TNFSF10: variants seen among roughly 807,000 people sequenced by gnomAD.
TNFSF10 encodes TNF superfamily member 10.
A neutral mutation model predicts 29.5 loss-of-function variants in TNFSF10; 13 were observed. The observed-to-expected ratio is 0.44, with a 90% CI of 0.29 to 0.70. TNFSF10 has a LOEUF of 0.70. TNFSF10 is among the 30% of genes least tolerant of loss of function. TNFSF10 has a pLI of 0.13. For missense variants in TNFSF10, 345 were observed against 330.9 expected (o/e 1.04, Z -0.33); for synonymous variants, 111 against 112.8 (o/e 0.98, Z 0.10).
chr3:172,520,792 A>G (rs1713657467), intron 1 of TNFSF10, among the ~76,000 whole-genome samples: 1 of 152,202 alleles, frequency 6.6e-6, no homozygotes, highest in Non-Finnish European at 1.5e-5. Flanking sequence ...CCAACCTGCA[A>G]CAACAAAGCA....
Position 172,523,283 on chromosome 3 carries a change from A to C in TNFSF10, c.102T>G (p.Thr34=), listed in dbSNP as rs755117122. 1 of 1,613,986 alleles carries C rather than the reference A, an allele frequency of 6.2e-7. No individual in the cohort carries two copies. The highest frequency in any genetic ancestry group is 1.3e-5 in the African/African-American group (1 of 75,052). The change falls in exon 1 of 5, where the codon ACT becomes ACG. Residue 34 remains threonine, a synonymous_variant. Coordinates refer to ENST00000241261, the MANE Select transcript of TNFSF10 (RefSeq NM_003810.4). Reference sequence around the variant, plus strand: ...TCAGCTCGTTGGTAAAGTACACGTAAGTTACAGCCACACAGAGAGACTGCA... The same window carrying C: ...TCAGCTCGTTGGTAAAGTACACGTACGTTACAGCCACACAGAGAGACTGCA... The part of the protein sequence containing the change: ...VLLQSLCVAV[T]YVYFTNELKQ...
At chr3:172,507,198 A>C in intron 4 of TNFSF10, 1 of 388,544 alleles carries the variant, frequency 2.6e-6, no homozygotes, top group Non-Finnish European at 4.6e-6. Flanking sequence ...CACACTTAGA[A>C]TGGTAGCACA....
chr3:172,518,487 A>C, intron 1 of TNFSF10: 1 of 1,279,586 alleles, frequency 7.8e-7, no homozygotes, highest in South Asian at 1.2e-5. Context: ...ATAAAGGATC[A>C]TTTATGGAGA....
intron 1 of TNFSF10, among the ~76,000 whole-genome samples, chr3:172,520,597 T>C (rs1451412594): frequency 6.6e-6 from 1 of 152,242 alleles, no homozygotes; most frequent in Non-Finnish European, 1.5e-5. Flanking sequence ...ATATTCGTGG[T>C]GCCTACCACA....
chr3:172,506,952 A>C (rs1713013681), intron 4 of TNFSF10, 33 bp from the exon 5 acceptor site: 1 of 1,503,636 alleles, frequency 6.7e-7, no homozygotes. Flanking sequence ...GAGCGTTAAC[A>C]GAAGGGAATT....
chr3:172,516,221 G>A (rs1713429173), intron 1 of TNFSF10, among the ~76,000 whole-genome samples: 1 of 148,188 alleles, frequency 6.7e-6, no homozygotes, highest in Non-Finnish European at 1.5e-5. Context: ...CTGAGATCGT[G>A]CCATTGCACT....
chr3:172,512,585 G>A (rs1713270293), intron 2 of TNFSF10, among the ~76,000 whole-genome samples: 1 of 152,160 alleles, frequency 6.6e-6, no homozygotes, highest in African/African-American at 2.4e-5. Flanking sequence ...TGGTGGCGGT[G>A]GACTGACTGT....
At chr3:172,507,688 G>A (rs1713041623) in intron 4 of TNFSF10, among the ~76,000 whole-genome samples, 1 of 152,122 alleles carries the variant, frequency 6.6e-6, no homozygotes, top group Admixed American at 6.6e-5. Flanking sequence ...CCCCTCACTT[G>A]TAGGCAGAAC....
intron 1 of TNFSF10, 41 bp downstream of exon 1, chr3:172,523,212 G>A: frequency 6.5e-7 from 1 of 1,540,692 alleles, no homozygotes; most frequent in Non-Finnish European, 8.9e-7. Flanking sequence ...CCAGACATTT[G>A]CTAAGCGCCT....
intron 4 of TNFSF10, among the ~76,000 whole-genome samples, chr3:172,508,897 A>AG (rs1491340255): frequency 6.6e-6 from 1 of 151,988 alleles, no homozygotes; most frequent in East Asian, 1.9e-4. Flanking sequence ...CTAAAAAAAA[A>AG]AAGGAAAGAA....
intron 1 of TNFSF10, chr3:172,517,646 CTG>C: frequency 1.0e-6 from 1 of 985,318 alleles, no homozygotes. Context: ...TGAGATCAGA[CTG>C]TGTGTGTGCA....
chr3:172,505,655 A>G lies in TNFSF10; in HGVS notation c.*837T>C, dbSNP rs1469650892. 1 of 152,026 alleles carries G rather than the reference A, an allele frequency of 6.6e-6. No individual in the cohort carries two copies. The highest frequency in any genetic ancestry group is 1.9e-4 in the East Asian group (1 of 5,198). 9.4% of individuals were successfully genotyped at this position (152,026 alleles called of 1,614,324 possible). On this transcript the variant is annotated 3_prime_UTR_variant, in exon 5 of 5. Coordinates refer to ENST00000241261, the MANE Select transcript of TNFSF10 (RefSeq NM_003810.4). Reference sequence around the variant, plus strand: ...TACTAAAACAAAAACAACAATAAATATGAGCACTACAGCAAACATGACATA... The same window carrying G: ...TACTAAAACAAAAACAACAATAAATGTGAGCACTACAGCAAACATGACATA...
rs1577014418 is a variant in TNFSF10 at position 172,517,566 on chromosome 3, A to G, written c.133-2568T>C. 4 of 985,346 alleles carry G rather than the reference A, an allele frequency of 4.1e-6. No individual in the cohort carries two copies. In the South Asian group the frequency reaches 1.4e-4, roughly 35 times the overall value. 61.0% of individuals were successfully genotyped at this position (985,346 alleles called of 1,614,324 possible). On this transcript the variant is annotated intron_variant, in intron 1 of 4. Transcript: ENST00000241261. ...AAGTAAATCACAAAAACAAAACAAA[A>G]CAACCACTAATAGCAGCTATATTCT...
intron 2 of TNFSF10, among the ~76,000 whole-genome samples, chr3:172,513,159 A>C (rs1157755353): frequency 6.6e-6 from 1 of 152,190 alleles, no homozygotes; most frequent in Non-Finnish European, 1.5e-5. Flanking sequence ...GAATGGCAGG[A>C]ATAGCAGGAA....
chr3:172,508,109 G>T lies in TNFSF10; in HGVS notation c.418+1108C>A, dbSNP rs115624423. Reference sequence around the variant, plus strand: ...TGTAATTCCAGCACTTTGGGAGGCCGGGGGGGTGTGGATCAGCTGAGGTCA... The same window carrying T: ...TGTAATTCCAGCACTTTGGGAGGCCTGGGGGGTGTGGATCAGCTGAGGTCA... On this transcript the variant is annotated intron_variant, in intron 4 of 4. Transcript: ENST00000241261. 9.8e-3 allele frequency among the ~76,000 whole-genome samples: 1,486 copies of T among 151,720 alleles called. 8 individuals carry two copies. Among genetic ancestry groups the T allele is most frequent in the Middle Eastern group, 0.017 (5 of 294 alleles).
rs1053371961 is a variant in TNFSF10, at chr3:172,505,561, T to C, written c.*931A>G. On this transcript the variant is annotated 3_prime_UTR_variant, in exon 5 of 5. Transcript: ENST00000241261. ...TTTCTTCTGTAATATGTGTCAAAGA[T>C]ATTATGAAAAAAAGATTAGAAGTCT... The C allele has an allele frequency of 6.6e-6, 1 of 152,044 alleles. No homozygotes were observed. The highest frequency in any genetic ancestry group is 2.4e-5 in the African/African-American group (1 of 41,392). 9.4% of individuals were successfully genotyped at this position (152,044 alleles called of 1,614,324 possible).
chr3:172,522,884 A>G (rs555985241), intron 1 of TNFSF10, among the ~76,000 whole-genome samples: 2 of 152,370 alleles, frequency 1.3e-5, no homozygotes, highest in Non-Finnish European at 2.9e-5. Flanking sequence ...AATGTGCACA[A>G]ATAAAAGTTT....
intron 2 of TNFSF10, among the ~76,000 whole-genome samples, chr3:172,513,201 C>T (rs1484652698): frequency 1.3e-5 from 2 of 152,132 alleles, no homozygotes; most frequent in Non-Finnish European, 2.9e-5. Flanking sequence ...CTCTTATCTC[C>T]CCACTCCCTG....
chr3:172,516,137 G>A (rs563083200), intron 1 of TNFSF10, among the ~76,000 whole-genome samples: 8 of 152,152 alleles, frequency 5.3e-5, no homozygotes, highest in East Asian at 1.9e-4. Context: ...GGTGGCGGGC[G>A]CCTGTAGTCC....
Sources: allele counts gnomAD v4.1 joint callset (sites outside exome capture counted in the v4.1 genomes callset), GRCh38; gene constraint gnomAD v4.1.1; transcripts MANE v1.5; gene names NCBI Gene and HGNC (gene_info 2026-07-23, HGNC 2026-07-21).